CHODL: variants seen among roughly 807,000 people sequenced by gnomAD.
CHODL encodes chondrolectin.
In CHODL, 29 loss-of-function variants were observed where a neutral mutation model predicts 34.5. The observed-to-expected ratio is 0.84, with a 90% confidence interval of 0.63 to 1.15. The LOEUF is 1.15. Among genes scored for constraint, CHODL ranks in the 50% most tolerant of loss-of-function variants. CHODL has a pLI of 0.00. For synonymous variants in CHODL, 125 were observed against 116.1 expected (o/e 1.08, Z -0.49); for missense variants, 332 against 332.5 (o/e 1.00, Z 0.01).
intron 1 of CHODL, among the ~76,000 whole-genome samples, chr21:17,982,067 T>C (rs914207071): frequency 6.6e-6 from 1 of 152,242 alleles, no homozygotes; most frequent in African/African-American, 2.4e-5. Context: ...TTCACTGTTT[T>C]TAGAAAGACT....
At chr21:17,923,400 GT>G (rs35705175) in intron 1 of CHODL, among the ~76,000 whole-genome samples, 56,944 of 149,594 alleles carry the variant, frequency 0.38, 10,960 homozygotes, top group South Asian at 0.55. Flanking sequence ...GTAAAAAGAT[GT>G]TAACAACTTT....
At position 18,024,054 on chromosome 21, in the gene CHODL, T is replaced by C. The variant is rs563207674; in HGVS notation, c.-144-3818T>C. Among the ~76,000 whole-genome samples the C allele has an allele frequency of 1.3e-5, 2 of 152,348 alleles. 1 individual carries two copies. The highest frequency in any genetic ancestry group is 4.1e-4 in the South Asian group (2 of 4,828). On this transcript the variant is annotated intron_variant, in intron 1 of 6. Transcript: ENST00000400127. ...TGTTGAAATTATTGGCCAGAGATTC[T>C]GACATGAGTGTTTTTTATTTCCTGC...
chr21:18,233,168 G>T (rs1414422614), intron 2 of CHODL, among the ~76,000 whole-genome samples: 1 of 151,738 alleles, frequency 6.6e-6, no homozygotes, highest in Non-Finnish European at 1.5e-5. Flanking sequence ...TCTACTTTCT[G>T]CTTCTATGAG....
intron 2 of CHODL, among the ~76,000 whole-genome samples, chr21:18,093,458 G>T (rs1228060611): frequency 6.6e-6 from 1 of 151,972 alleles, no homozygotes; most frequent in Non-Finnish European, 1.5e-5. Flanking sequence ...TACTGTAGTT[G>T]TGGTATGTAA....
chr21:18,003,136 CAAAA>C (rs148355768), intron 1 of CHODL, among the ~76,000 whole-genome samples: 38,686 of 140,966 alleles, frequency 0.27, 6,384 homozygotes, highest in Non-Finnish European at 0.38. Context: ...AAAAAAAAAA[CAAAA>C]AAAAAACCCA....
At chr21:18,251,509 A>AT (rs1394191696) in intron 1 of CHODL, among the ~76,000 whole-genome samples, 8 of 112,502 alleles carry the variant, frequency 7.1e-5, no homozygotes, top group African/African-American at 2.9e-4. Flanking sequence ...TATTTATTTT[A>AT]ATATATAAAA....
rs370870826 is a variant in CHODL at position 18,162,262 on chromosome 21, T to C, written c.-44-94247T>C. ...GGAGGCTAAAAGCCCAACATCAAGG[T>C]GTTAGCAGAGACAGTTCCTTCTGAG... On this transcript the variant is annotated intron_variant, in intron 2 of 6. Transcript: ENST00000400127. Among the ~76,000 whole-genome samples, 105 of 152,192 alleles carry C rather than the reference T, an allele frequency of 6.9e-4. 1 individual carries two copies. The South Asian group carries it at 0.02, about 29-fold the overall frequency.
At chr21:17,993,247 C>T (rs1048989859) in intron 1 of CHODL, among the ~76,000 whole-genome samples, 1 of 152,020 alleles carries the variant, frequency 6.6e-6, no homozygotes, top group East Asian at 1.9e-4. Context: ...TTCAGGGATA[C>T]ATGTGCAGGT....
chr21:18,086,590 T>C (rs1023819732), intron 2 of CHODL, among the ~76,000 whole-genome samples: 1 of 152,230 alleles, frequency 6.6e-6, no homozygotes, highest in African/African-American at 2.4e-5. Context: ...ATAATCTTTG[T>C]ATGACTACTT....
intron 2 of CHODL, among the ~76,000 whole-genome samples, chr21:18,126,806 G>T (rs186061476): frequency 3.4e-4 from 52 of 152,256 alleles, no homozygotes; most frequent in African/African-American, 1.3e-3. Flanking sequence ...CTCAATGCTA[G>T]TAAAAAATCC....
intron 2 of CHODL, among the ~76,000 whole-genome samples, chr21:18,192,904 T>C (rs2073527696): frequency 1.3e-5 from 2 of 152,162 alleles, no homozygotes; most frequent in Non-Finnish European, 2.9e-5. Context: ...TCAAGAATCA[T>C]AAAATAAGCT....
chr21:17,973,090 T>G (rs2063629737), intron 1 of CHODL, among the ~76,000 whole-genome samples: 1 of 152,168 alleles, frequency 6.6e-6, no homozygotes, highest in Non-Finnish European at 1.5e-5. Context: ...GCTAGCCATA[T>G]GTAGAAAACT....
At chr21:18,198,085 A>C (rs1278972283) in intron 2 of CHODL, among the ~76,000 whole-genome samples, 1 of 152,224 alleles carries the variant, frequency 6.6e-6, no homozygotes, top group Admixed American at 6.5e-5. Flanking sequence ...AATTATCTAC[A>C]GGTCAGCAAA....
At chr21:18,127,931 A>G (rs993519688) in intron 2 of CHODL, among the ~76,000 whole-genome samples, 3 of 151,952 alleles carry the variant, frequency 2.0e-5, no homozygotes, top group African/African-American at 7.3e-5. Flanking sequence ...AGACAGAGAA[A>G]GTGGTGGAAA....
chr21:18,243,170 A>G (rs1316553779), upstream of CHODL, among the ~76,000 whole-genome samples: 1 of 152,180 alleles, frequency 6.6e-6, no homozygotes, highest in Non-Finnish European at 1.5e-5. Flanking sequence ...TAGCCATGAC[A>G]CTTGATTCAT....
intron 2 of CHODL, among the ~76,000 whole-genome samples, chr21:18,095,402 A>C (rs914806074): frequency 2.6e-5 from 4 of 152,176 alleles, no homozygotes; most frequent in Non-Finnish European, 5.9e-5. Context: ...ATTTAAAAAA[A>C]CTAAAAGAAA....
intron 2 of CHODL, among the ~76,000 whole-genome samples, chr21:18,185,837 T>A (rs1300440072): frequency 2.0e-5 from 3 of 152,202 alleles, no homozygotes; most frequent in Admixed American, 2.0e-4. Flanking sequence ...ACTAACCTTA[T>A]ATGGTAGAAA....
chr21:18,065,443 C>T (rs1443870305), intron 2 of CHODL, among the ~76,000 whole-genome samples: 1 of 152,090 alleles, frequency 6.6e-6, no homozygotes, highest in African/African-American at 2.4e-5. Context: ...ACATAGTTCA[C>T]GCAAGGAGTT....
intron 2 of CHODL, among the ~76,000 whole-genome samples, chr21:18,201,345 C>A (rs944849077): frequency 6.6e-6 from 1 of 151,766 alleles, no homozygotes; most frequent in Non-Finnish European, 1.5e-5. Context: ...TTAATAAACT[C>A]TTATATGGTA....
Sources: allele counts gnomAD v4.1 joint callset (sites outside exome capture counted in the v4.1 genomes callset), GRCh38; gene constraint gnomAD v4.1.1; transcripts MANE v1.5; gene names NCBI Gene and HGNC (gene_info 2026-07-23, HGNC 2026-07-21).